CYP4Z1: variants seen among roughly 807,000 people sequenced by gnomAD.
CYP4Z1 encodes the protein cytochrome P450 4Z1.
CYP4Z1 carries 41 observed loss-of-function variants against 54.2 expected under a neutral mutation model. That is an observed-to-expected ratio of 0.76 (90% CI 0.59 to 0.98). The LOEUF (loss-of-function observed/expected upper bound fraction) is 0.98. CYP4Z1 is among the 50% of genes least tolerant of loss of function. The pLI, the probability that CYP4Z1 is intolerant of heterozygous loss-of-function variation, is 0.00. For missense variants in CYP4Z1, 513 were observed against 599.0 expected (o/e 0.86, Z 1.50); for synonymous variants, 163 against 206.2 (o/e 0.79, Z 1.79).
At chr1:47,108,622 G>T (rs534061803) in intron 9 of CYP4Z1, among the ~76,000 whole-genome samples, 1 of 152,076 alleles carries the variant, frequency 6.6e-6, no homozygotes, top group Non-Finnish European at 1.5e-5. Flanking sequence ...TTCACTCTTG[G>T]CAAAAGACCT....
intron 9 of CYP4Z1, among the ~76,000 whole-genome samples, chr1:47,112,951 G>C (rs921657914): frequency 1.3e-5 from 2 of 151,566 alleles, no homozygotes; most frequent in African/African-American, 4.8e-5. Flanking sequence ...ATCCCATATG[G>C]TTCTATGGCT....
chr1:47,062,222 T>C, the CYP4Z1 span, among the ~76,000 whole-genome samples: 1 of 152,168 alleles, frequency 6.6e-6, no homozygotes, highest in Non-Finnish European at 1.5e-5. Flanking sequence ...AGATGACAGA[T>C]AGCAGGCAGA....
At chr1:47,109,464 T>C (rs1424426177) in intron 9 of CYP4Z1, among the ~76,000 whole-genome samples, 3 of 152,158 alleles carry the variant, frequency 2.0e-5, no homozygotes, top group African/African-American at 7.2e-5. Context: ...CTAAAAGAAA[T>C]AGTCAATCCT....
intron 8 of CYP4Z1, among the ~76,000 whole-genome samples, chr1:47,099,537 G>A (rs1219890285): frequency 3.9e-5 from 6 of 152,064 alleles, no homozygotes; most frequent in African/African-American, 9.7e-5. Context: ...GTACAACTGC[G>A]GAAAGAATAG....
chr1:47,066,206 G>A (rs78697729), upstream of CYP4Z1, among the ~76,000 whole-genome samples: 3 of 151,914 alleles, frequency 2.0e-5, no homozygotes, highest in South Asian at 2.1e-4. Context: ...TCCTAATACC[G>A]AAACCAGGGA....
At chr1:47,104,737 T>A (rs558414862) in intron 8 of CYP4Z1, among the ~76,000 whole-genome samples, 2 of 152,130 alleles carry the variant, frequency 1.3e-5, no homozygotes, top group East Asian at 3.9e-4. Flanking sequence ...CATGCTCAGG[T>A]ACTGGGAGGA....
intron 11 of CYP4Z1, among the ~76,000 whole-genome samples, chr1:47,117,180 C>T (rs1644836400): frequency 6.6e-6 from 1 of 152,054 alleles, no homozygotes; most frequent in Non-Finnish European, 1.5e-5. Context: ...CTGAGTATGC[C>T]AGGTTATTGT....
At chr1:47,105,992 C>G (rs1164873706) in intron 8 of CYP4Z1, 136 bp from the exon 9 acceptor site, 1 of 1,068,708 alleles carries the variant, frequency 9.4e-7, no homozygotes, top group Non-Finnish European at 1.4e-6. Context: ...CTAAGACATA[C>G]TTGATACATC....
At chr1:47,056,378 G>C in the CYP4Z1 span, among the ~76,000 whole-genome samples, 2 of 152,174 alleles carry the variant, frequency 1.3e-5, no homozygotes, top group African/African-American at 2.4e-5. Flanking sequence ...GTGTGGTGCT[G>C]AAAAGAATGT....
upstream of CYP4Z1, among the ~76,000 whole-genome samples, chr1:47,063,230 C>A (rs185987642): frequency 6.6e-6 from 1 of 152,238 alleles, no homozygotes; most frequent in East Asian, 1.9e-4. Flanking sequence ...ACAAAATAAT[C>A]TGAACAGCAG....
intron 6 of CYP4Z1, among the ~76,000 whole-genome samples, chr1:47,087,675 A>G (rs1483797035): frequency 6.6e-6 from 1 of 152,192 alleles, no homozygotes; most frequent in Non-Finnish European, 1.5e-5. Flanking sequence ...CCCTAATTGA[A>G]TGCCCTTTAT....
chr1:47,055,834 C>T, the CYP4Z1 span, among the ~76,000 whole-genome samples: 20 of 151,946 alleles, frequency 1.3e-4, no homozygotes, highest in African/African-American at 3.1e-4. Flanking sequence ...GTCTTGCTAG[C>T]GGTCTATCAA....
chr1:47,096,435 G>T (rs1035768918), intron 7 of CYP4Z1, among the ~76,000 whole-genome samples: 22 of 152,154 alleles, frequency 1.4e-4, no homozygotes, highest in African/African-American at 5.3e-4. Context: ...AATAACATTT[G>T]CTGATTAGAA....
In CYP4Z1 at chr1:47,116,512, C is replaced by A. The variant is rs1644830967; in HGVS notation, c.1267-138C>A. ...GGGAACATCAAGCAGGACTTGTAGT[C>A]TCCAGACATTGTAAGTTCCTAAAAT... is the stretch of plus-strand genomic sequence containing the variant. On this transcript the variant is annotated intron_variant, in intron 10 of 11. Transcript: ENST00000334194. The A allele has an allele frequency of 1.1e-5, 6 of 565,618 alleles. No homozygotes were observed. The East Asian group carries it at 1.4e-4, about 14-fold the overall frequency. 35.0% of individuals were successfully genotyped at this position (565,618 alleles called of 1,614,324 possible).
chr1:47,098,580 C>T (rs1459057763), intron 7 of CYP4Z1, among the ~76,000 whole-genome samples: 1 of 152,194 alleles, frequency 6.6e-6, no homozygotes, highest in African/African-American at 2.4e-5. Context: ...TATTAACTCA[C>T]ATATTCATAT....
upstream of CYP4Z1, among the ~76,000 whole-genome samples, chr1:47,063,722 G>T (rs554140468): frequency 2.0e-5 from 3 of 151,942 alleles, no homozygotes; most frequent in Non-Finnish European, 2.9e-5. Context: ...AATAAACAAA[G>T]CCTCCAAAAA....
intron 9 of CYP4Z1, among the ~76,000 whole-genome samples, chr1:47,114,396 A>C (rs1053802295): frequency 3.9e-5 from 6 of 152,206 alleles, no homozygotes; most frequent in African/African-American, 1.4e-4. Context: ...CAAGGACTTC[A>C]TGTCTAAAAC....
chr1:47,063,989 C>T (rs1644436798), upstream of CYP4Z1, among the ~76,000 whole-genome samples: 1 of 150,494 alleles, frequency 6.6e-6, no homozygotes, highest in Non-Finnish European at 1.5e-5. Flanking sequence ...AACTGTGAGG[C>T]AAAAGTGTCA....
chr1:47,056,749 CTT>C, the CYP4Z1 span, among the ~76,000 whole-genome samples: 1 of 151,432 alleles, frequency 6.6e-6, no homozygotes, highest in Non-Finnish European at 1.5e-5. Flanking sequence ...CAACTCCTGC[CTT>C]TTTTTTGTTT....
Sources: allele counts gnomAD v4.1 joint callset (sites outside exome capture counted in the v4.1 genomes callset), GRCh38; gene constraint gnomAD v4.1.1; transcripts MANE v1.5; gene names NCBI Gene and HGNC (gene_info 2026-07-23, HGNC 2026-07-21).